Variants in PTPN6 observed in about 807,000 individuals in gnomAD.
PTPN6 encodes the protein tyrosine-protein phosphatase non-receptor type 6.
PTPN6 carries 18 observed loss-of-function variants against 81.5 expected under a neutral mutation model. The ratio of observed to expected loss-of-function variants is 0.22; its 90% CI spans 0.15 to 0.33. PTPN6 has a LOEUF of 0.33. PTPN6 is among the 10% of genes least tolerant of loss of function. The probability of loss-of-function intolerance (pLI) is 1.00; values close to 1 mark genes in which losing one functional copy is unlikely to be tolerated. For synonymous variants in PTPN6, 301 were observed against 310.9 expected, an observed-to-expected ratio of 0.97 and a Z score of 0.33; for missense variants, 500 against 794.2, an observed-to-expected ratio of 0.63 and a Z score of 4.45.
upstream of PTPN6, among the ~76,000 whole-genome samples, chr12:6,947,379 G>A (rs116408485): frequency 0.03 from 4,618 of 152,210 alleles, 185 homozygotes; most frequent in African/African-American, 0.078. Flanking sequence ...GCAGAAAATA[G>A]ACAGCCTTGG....
upstream of PTPN6, among the ~76,000 whole-genome samples, chr12:6,951,044 G>T (rs982925537): frequency 7.9e-5 from 12 of 152,198 alleles, no homozygotes; most frequent in Non-Finnish European, 1.8e-4. The surrounding 1 kb of genome is among the most constrained non-coding windows in gnomAD (Gnocchi z 7.2). Context: ...GGAGGGCTGC[G>T]TAAAAGCAGC....
Position 6,956,153 on chromosome 12 carries a change from C to T in PTPN6, c.856C>T (p.Arg286Ter). The T allele has an allele frequency of 1.9e-6, 3 of 1,614,160 alleles. No individual in the cohort carries two copies. Among genetic ancestry groups the T allele is most frequent in the Non-Finnish European group, 2.5e-6 (3 of 1,180,022 alleles). The change falls in exon 8 of 16, where the codon CGA becomes TGA. Residue 286 changes from arginine (R) to a stop codon, truncating the protein, a stop_gained. Transcript: ENST00000318974. LOFTEE classifies it high-confidence loss of function. The surrounding 1 kb of genome is among the most constrained non-coding windows in gnomAD (Gnocchi z 4.1). Reference protein sequence around the residue: ...YKNILPFDHSRVILQGRDSNI... With the variant: ...YKNILPFDHS Reference sequence around the variant, plus strand: ...CCGCCCACTCCCAGTTGACCACAGCCGAGTGATCCTGCAGGGACGGGACAG... The same window carrying T: ...CCGCCCACTCCCAGTTGACCACAGCTGAGTGATCCTGCAGGGACGGGACAG...
upstream of PTPN6, among the ~76,000 whole-genome samples, chr12:6,949,246 C>G (rs3759355): frequency 0.022 from 3,302 of 152,320 alleles, 107 homozygotes; most frequent in African/African-American, 0.069. Flanking sequence ...AGGGTCCCCA[C>G]CTCTCAGAAC....
At chr12:6,948,569 AAAAG>A (rs1417498162), upstream of PTPN6, among the ~76,000 whole-genome samples, 5 of 151,930 alleles carry the variant, frequency 3.3e-5, no homozygotes, top group Non-Finnish European at 7.4e-5. Flanking sequence ...AAAGGAAAGA[AAAAG>A]AAAAAGTGAC....
upstream of PTPN6, among the ~76,000 whole-genome samples, chr12:6,947,286 C>T (rs1555146969): frequency 1.3e-5 from 2 of 152,218 alleles, no homozygotes; most frequent in African/African-American, 4.8e-5. Context: ...TCTGCTCTCA[C>T]GGAGCTTACA....
In PTPN6 at chr12:6,954,515, C is replaced by A. The variant is rs1555148236; in HGVS notation, c.327-290C>A. Among the ~76,000 whole-genome samples, 1 of 152,242 alleles carries A rather than the reference C, an allele frequency of 6.6e-6. No homozygotes were observed. ...AGAGCTGTAACCGCGCCACTGCACT[C>A]CAGCCTGGGCAACAGAGCTCTGGAA... On this transcript the variant is annotated intron_variant, in intron 3 of 15. Transcript: ENST00000318974. The surrounding 1 kb of genome is among the most constrained non-coding windows in gnomAD (Gnocchi z 5.4).
rs782459244 is a variant in PTPN6, at chr12:6,957,801, G to T, written c.1206+16G>T. On this transcript the variant is annotated intron_variant, in intron 10 of 15. Coordinates refer to ENST00000318974, the MANE Select transcript of PTPN6 (RefSeq NM_002831.6). The surrounding 1 kb of genome is among the most constrained non-coding windows in gnomAD (Gnocchi z 6.5). ...GCTGGACAATGTGAGTGGCCCCCAC[G>T]CCCTGCCCCATTCCGGGAGTCCCTC... The T allele has an allele frequency of 1.9e-6, 3 of 1,614,048 alleles. No homozygotes were observed. Among genetic ancestry groups the T allele is most frequent in the Non-Finnish European group, 2.5e-6 (3 of 1,180,016 alleles).
At position 6,956,584 on chromosome 12, in the gene PTPN6, T is replaced by G; in HGVS notation, c.1074+16T>G. ...GAAAGGCCGGGTAGGGCGCCCCCCC[T>G]TCCCCGCATCCGCCCCCGTGCTTGT... On this transcript the variant is annotated intron_variant, in intron 9 of 15. Coordinates refer to ENST00000318974, the MANE Select transcript of PTPN6 (RefSeq NM_002831.6). The surrounding 1 kb of genome is among the most constrained non-coding windows in gnomAD (Gnocchi z 4.1). The G allele has an allele frequency of 6.2e-7, 1 of 1,612,286 alleles. No individual in the cohort carries two copies. The highest frequency in any genetic ancestry group is 8.5e-7 in the Non-Finnish European group (1 of 1,179,736).
chr12:6,950,908 A>G (rs1945911812), upstream of PTPN6, among the ~76,000 whole-genome samples: 1 of 152,176 alleles, frequency 6.6e-6, no homozygotes, highest in Admixed American at 6.5e-5. Context: ...CCCCTGTTTC[A>G]TAGGGCTGTG....
In PTPN6 at chr12:6,960,838, C is replaced by G; in HGVS notation, c.1706C>G (p.Thr569Ser). The G allele has an allele frequency of 6.3e-7, 1 of 1,576,408 alleles. No individual in the cohort carries two copies. Among genetic ancestry groups the G allele is most frequent in the South Asian group, 1.2e-5 (1 of 86,054 alleles). The change falls in exon 15 of 16, where the codon ACT (threonine) becomes AGT (serine). Residue 569 changes from threonine (T) to serine (S), a missense_variant. Physicochemically the swap from Thr to Ser is moderately conservative, Grantham distance 58 (BLOSUM62 1). Around this residue, in one of 6 missense-constraint regions of PTPN6, gnomAD observed 56 missense variants for 56.4 expected, o/e 0.99. Transcript: ENST00000318974. This position sits in a 1 kb window ranked among gnomAD's most constrained non-coding sequence, Gnocchi z 6.1. ...GAGGATGTGTATGAGAACCTGCACACTAAGAACAAGAGGGAGGAGAAAGTG... is the reference window on the plus strand; with the variant it reads ...GAGGATGTGTATGAGAACCTGCACAGTAAGAACAAGAGGGAGGAGAAAGTG... The part of the protein sequence containing the change: ...HKEDVYENLH[T>S]KNKREEKVKK...
chr12:6,961,205 A>AT lies in PTPN6; in HGVS notation c.*108dup. The AT allele has an allele frequency of 2.0e-6, 1 of 493,436 alleles. No individual in the cohort carries two copies. The highest frequency in any genetic ancestry group is 3.6e-6 in the Non-Finnish European group (1 of 274,098). 30.6% of individuals were successfully genotyped at this position (493,436 alleles called of 1,614,324 possible). On this transcript the variant is annotated 3_prime_UTR_variant, in exon 16 of 16. Transcript: ENST00000318974. The stretch of plus-strand genomic sequence containing the variant: ...CCTAGGAGTGCCCCATTCTTTTGTA[A>AT]TTTAAATGGCTGCATCCCCCCCACC...
chr12:6,956,511 G>A lies in PTPN6; in HGVS notation c.1017G>A (p.Ala339=), dbSNP rs181711169. The change falls in exon 9 of 16, where the codon GCG becomes GCA. Residue 339 remains alanine (A), a synonymous_variant. Coordinates refer to ENST00000318974, the MANE Select transcript of PTPN6 (RefSeq NM_002831.6). The surrounding 1 kb of genome is among the most constrained non-coding windows in gnomAD (Gnocchi z 4.1). ...CGGTCAATGACTTCTGGCAGATGGC[G>A]TGGCAGGAGAACAGCCGTGTCATCG... The part of the protein sequence containing the change: ...EATVNDFWQM[A]WQENSRVIVM... 126 of 1,614,014 alleles carry A rather than the reference G, an allele frequency of 7.8e-5. No individual in the cohort carries two copies. In the African/African-American group the frequency reaches 1.0e-3, roughly 13 times the overall value.
chr12:6,956,279 TG>T lies in PTPN6; in HGVS notation c.924+64del, dbSNP rs1319442664. ...TGGGCCCTGGGAATTCCCTGTCTGGTGGGGGGACCCTAGATCCAGAGACAGC... is the reference window on the plus strand; with the variant it reads ...TGGGCCCTGGGAATTCCCTGTCTGGTGGGGGACCCTAGATCCAGAGACAGC... On this transcript the variant is annotated intron_variant, in intron 8 of 15. Coordinates refer to ENST00000318974, the MANE Select transcript of PTPN6 (RefSeq NM_002831.6). The surrounding 1 kb of genome is among the most constrained non-coding windows in gnomAD (Gnocchi z 4.1). 1.2e-6 allele frequency: 2 copies of T among 1,609,140 alleles called. No individual in the cohort carries two copies. The highest frequency in any genetic ancestry group is 1.7e-6 in the Non-Finnish European group (2 of 1,175,788).
In PTPN6 at chr12:6,959,856, C is replaced by T; in HGVS notation, c.1362-71C>T. ...GCTCCTGTGGTGCCTGGGGCTGGAG[C>T]TGAGCGCTGGGTACCCCCCTTCCCG... On this transcript the variant is annotated intron_variant, in intron 11 of 15. Transcript: ENST00000318974. The surrounding 1 kb of genome is among the most constrained non-coding windows in gnomAD (Gnocchi z 6.6). 1.3e-6 allele frequency: 2 copies of T among 1,532,764 alleles called. No individual in the cohort carries two copies. The highest frequency in any genetic ancestry group is 2.2e-5 in the South Asian group (2 of 89,356). 94.9% of individuals were successfully genotyped at this position (1,532,764 alleles called of 1,614,324 possible).
upstream of PTPN6, among the ~76,000 whole-genome samples, chr12:6,947,884 C>T (rs981238569): frequency 3.3e-5 from 5 of 152,006 alleles, no homozygotes; most frequent in Admixed American, 2.0e-4. Context: ...GCACAAAGCC[C>T]TAATGTGGGA....
Position 6,954,848 on chromosome 12 carries a change from C to T in PTPN6, c.370C>T (p.Leu124=), listed in dbSNP as rs781912943. 4.3e-6 allele frequency: 7 copies of T among 1,614,194 alleles called. No homozygotes were observed. In the East Asian group the frequency reaches 1.1e-4, roughly 26 times the overall value. ...HMSGGQAETL[L]QAKGEPWTFL... is the part of the protein sequence containing the mutation. The stretch of plus-strand genomic sequence containing the variant: ...GTCTGGCGGGCAGGCAGAGACGCTG[C>T]TGCAGGCCAAGGGCGAGCCCTGGAC... The change falls in exon 4 of 16, where the codon CTG becomes TTG. Residue 124 remains leucine (L), a synonymous_variant. Transcript: ENST00000318974. This position sits in a 1 kb window ranked among gnomAD's most constrained non-coding sequence, Gnocchi z 5.4.
chr12:6,948,958 A>AG (rs1380226079), upstream of PTPN6, among the ~76,000 whole-genome samples: 9 of 151,684 alleles, frequency 5.9e-5, no homozygotes, highest in Admixed American at 1.3e-4. Flanking sequence ...AAAAAAAAAA[A>AG]AAAGAAAAGA....
rs782212727 is a variant in PTPN6, at chr12:6,955,429, A to G, written c.691A>G (p.Asn231Asp). The G allele has an allele frequency of 1.2e-6, 2 of 1,614,090 alleles. No homozygotes were observed. The highest frequency in any genetic ancestry group is 4.5e-5 in the East Asian group (2 of 44,838). The change falls in exon 6 of 16, where the codon AAC becomes GAC. Residue 231 changes from asparagine (N) to aspartate (D), a missense_variant. Around this residue, in one of 6 missense-constraint regions of PTPN6, gnomAD observed 96 missense variants for 137.3 expected, o/e 0.70. Transcript: ENST00000318974. This position sits in a 1 kb window ranked among gnomAD's most constrained non-coding sequence, Gnocchi z 7.2. ...ADIENRVLELNKKQESEDTAK... is the reference protein window; with the variant it reads ...ADIENRVLELDKKQESEDTAK... ...CATTGAGAACCGAGTGTTGGAACTG[A>G]ACAAGAAGCAGGAGTCCGAGGATAC...
At chr12:6,961,094 C>T (rs1280149896) in intron 15 of PTPN6, 32 bp from the exon 16 acceptor site, 3 of 1,247,094 alleles carry the variant, frequency 2.4e-6, no homozygotes, top group Non-Finnish European at 2.2e-6. Context: ...TTCCAGCTAC[C>T]CTCTCACTCC....
Sources: allele counts gnomAD v4.1 joint callset (sites outside exome capture counted in the v4.1 genomes callset), GRCh38; gene constraint gnomAD v4.1.1; regional missense constraint gnomAD v4.1.1; non-coding constraint Gnocchi (gnomAD v3.1); transcripts MANE v1.5; gene names NCBI Gene and HGNC (gene_info 2026-07-23, HGNC 2026-07-21).